Variants in ERC1 observed in about 807,000 individuals in gnomAD.
ERC1 encodes the protein RAB6 interacting protein 2.
In ERC1, 56 loss-of-function variants were observed where a neutral mutation model predicts 132.0. The ratio of observed to expected loss-of-function variants is 0.42; its 90% CI spans 0.34 to 0.53. The LOEUF (loss-of-function observed/expected upper bound fraction) is 0.53. Among genes scored for constraint, ERC1 ranks in the 20% least tolerant of loss-of-function variants. ERC1 has a pLI of 0.03. For synonymous variants in ERC1, 478 were observed against 476.1 expected (o/e 1.00, Z -0.05); for missense variants, 1,202 against 1,349.9 (o/e 0.89, Z 1.72).
At chr12:1,205,690 G>T (rs1190766315) in intron 12 of ERC1, among the ~76,000 whole-genome samples, 1 of 152,048 alleles carries the variant, frequency 6.6e-6, no homozygotes, top group African/African-American at 2.4e-5. Flanking sequence ...TCCACATATT[G>T]TAGTAGAACA....
chr12:1,442,481 G>A (rs747230652), intron 17 of ERC1, among the ~76,000 whole-genome samples: 4 of 152,066 alleles, frequency 2.6e-5, no homozygotes, highest in African/African-American at 7.2e-5. Flanking sequence ...GGTGTTTATC[G>A]TTTATCCTTA....
chr12:1,178,639 C>T (rs1346329663), intron 8 of ERC1, among the ~76,000 whole-genome samples: 1 of 152,150 alleles, frequency 6.6e-6, no homozygotes, highest in African/African-American at 2.4e-5. Context: ...GGGCAACAGA[C>T]TGTTCCTAGA....
At chr12:1,332,523 T>G (rs1595052384) in intron 15 of ERC1, among the ~76,000 whole-genome samples, 1 of 151,888 alleles carries the variant, frequency 6.6e-6, no homozygotes, top group Non-Finnish European at 1.5e-5. Flanking sequence ...TTTGGTGGTG[T>G]TTGCAGGTTT....
Position 1,490,277 on chromosome 12 carries a change from A to C in ERC1, c.*47A>C. ...GAGGTAGTCAACCCAGGAGCCAAGA[A>C]AAGAGAACTACGAGGAACAGGTGCC... On this transcript the variant is annotated 3_prime_UTR_variant, in exon 19 of 19. Transcript: ENST00000360905. 6.3e-7 allele frequency: 1 copy of C among 1,590,240 alleles called. No individual in the cohort carries two copies. Among genetic ancestry groups the C allele is most frequent in the Non-Finnish European group, 8.6e-7 (1 of 1,165,124 alleles).
chr12:1,114,449 C>T (rs964588073), intron 6 of ERC1, among the ~76,000 whole-genome samples: 2 of 151,942 alleles, frequency 1.3e-5, no homozygotes, highest in Admixed American at 6.6e-5. Context: ...TTTTTGACCA[C>T]GTGATTGGAG....
chr12:1,259,705 A>C (rs1302567051), intron 13 of ERC1, among the ~76,000 whole-genome samples: 1 of 151,486 alleles, frequency 6.6e-6, no homozygotes. Context: ...TTGTATTTTC[A>C]GTAGAGACGG....
chr12:1,146,191 A>G (rs940607221), intron 8 of ERC1, among the ~76,000 whole-genome samples: 1 of 150,646 alleles, frequency 6.6e-6, no homozygotes, highest in Non-Finnish European at 1.5e-5. Context: ...TATTGATTCT[A>G]CCCATCCATG....
intron 12 of ERC1, among the ~76,000 whole-genome samples, chr12:1,211,374 C>T (rs574721207): frequency 1.2e-4 from 18 of 152,212 alleles, no homozygotes; most frequent in Admixed American, 3.3e-4. Context: ...GTCTCGAATT[C>T]CCATCTCAGG....
intron 12 of ERC1, among the ~76,000 whole-genome samples, chr12:1,215,772 A>G (rs1279421134): frequency 6.6e-6 from 1 of 152,082 alleles, no homozygotes; most frequent in Non-Finnish European, 1.5e-5. Flanking sequence ...CTGAAAAGGC[A>G]AAAAAACAAA....
At chr12:1,187,023 G>GTTT (rs1955174689) in intron 11 of ERC1, among the ~76,000 whole-genome samples, 1 of 152,138 alleles carries the variant, frequency 6.6e-6, no homozygotes, top group Non-Finnish European at 1.5e-5. Flanking sequence ...TGGAGATGGG[G>GTTT]TTTTGCCATG....
chr12:1,164,712 T>C (rs1421606835), intron 8 of ERC1, among the ~76,000 whole-genome samples: 2 of 151,920 alleles, frequency 1.3e-5, no homozygotes, highest in Non-Finnish European at 2.9e-5. Flanking sequence ...TGAGAAGGGG[T>C]AGAGTTCATG....
At chr12:1,049,747 CT>C (rs35361881) in intron 2 of ERC1, among the ~76,000 whole-genome samples, 13,126 of 112,940 alleles carry the variant, frequency 0.12, 928 homozygotes, top group African/African-American at 0.23. Flanking sequence ...GTTTTGTGAT[CT>C]TTTTTTTTTT....
chr12:1,056,208 C>T (rs1347050137), intron 2 of ERC1, among the ~76,000 whole-genome samples: 2 of 151,100 alleles, frequency 1.3e-5, no homozygotes, highest in Admixed American at 1.3e-4. Context: ...TCCTTTTTCC[C>T]CCGTAATGAA....
chr12:1,394,369 T>C (rs190853236), intron 16 of ERC1, among the ~76,000 whole-genome samples: 78 of 151,646 alleles, frequency 5.1e-4, no homozygotes, highest in South Asian at 8.4e-4. Flanking sequence ...CACTGCACTC[T>C]AGCCTGGGTG....
chr12:1,490,063 T>C, intron 18 of ERC1, 30 bp from the exon 19 acceptor site: 2 of 1,606,502 alleles, frequency 1.2e-6, no homozygotes, highest in Non-Finnish European at 1.7e-6. Context: ...GATTGTTGTA[T>C]CTGAAATCCA....
intron 12 of ERC1, chr12:1,204,437 T>C (rs1957176784): frequency 7.3e-7 from 1 of 1,368,586 alleles, no homozygotes; most frequent in Non-Finnish European, 1.0e-6. Context: ...CTGAATATTG[T>C]CCTTATTAAT....
chr12:1,179,471 G>A (rs1003307335), intron 8 of ERC1, among the ~76,000 whole-genome samples: 1 of 149,206 alleles, frequency 6.7e-6, no homozygotes, highest in Admixed American at 6.7e-5. Flanking sequence ...CCATCTCATG[G>A]TAGAATAAAA....
At chr12:1,180,775 G>T (rs1473971021) in intron 9 of ERC1, 98 bp downstream of exon 9, 1 of 1,422,230 alleles carries the variant, frequency 7.0e-7, no homozygotes, top group Non-Finnish European at 9.7e-7. Context: ...GGGCACAAGG[G>T]AAAAGAGCTG....
At chr12:1,312,461 T>C (rs1007648751) in intron 15 of ERC1, among the ~76,000 whole-genome samples, 1 of 151,878 alleles carries the variant, frequency 6.6e-6, no homozygotes, top group Admixed American at 6.6e-5. Flanking sequence ...CGGGTTTGAG[T>C]GATTCTCATG....
Sources: allele counts gnomAD v4.1 joint callset (sites outside exome capture counted in the v4.1 genomes callset), GRCh38; gene constraint gnomAD v4.1.1; transcripts MANE v1.5; gene names NCBI Gene and HGNC (gene_info 2026-07-23, HGNC 2026-07-21).